FBLN2: variants seen among roughly 807,000 people sequenced by gnomAD.
FBLN2 encodes the protein fibulin-2.
Under a neutral mutation model 123.7 loss-of-function variants are expected in FBLN2, and 81 were observed. The ratio of observed to expected loss-of-function variants is 0.65; its 90% CI spans 0.55 to 0.79. The LOEUF is 0.79. Among genes scored for constraint, FBLN2 ranks in the 30% least tolerant of loss-of-function variants. The pLI, the probability that FBLN2 is intolerant of heterozygous loss-of-function variation, is 0.00. For synonymous variants in FBLN2, 699 were observed against 701.4 expected, an observed-to-expected ratio of 1.00 and a Z score of 0.05; for missense variants, 1,603 against 1,681.3, an observed-to-expected ratio of 0.95 and a Z score of 0.81.
At chr3:13,608,513 G>A (rs1559417193) in intron 3 of FBLN2, among the ~76,000 whole-genome samples, 1 of 152,130 alleles carries the variant, frequency 6.6e-6, no homozygotes, top group South Asian at 2.1e-4. Context: ...AGTTGCTGCC[G>A]CACTCATGCC....
intron 2 of FBLN2, among the ~76,000 whole-genome samples, chr3:13,604,573 T>G (rs979342435): frequency 2.6e-5 from 4 of 152,208 alleles, no homozygotes; most frequent in African/African-American, 9.6e-5. Context: ...TGAGCCGGCC[T>G]CCTTTTTTCT....
At chr3:13,626,708 C>T (rs1190203648) in intron 10 of FBLN2, 129 bp downstream of exon 10, 1 of 943,692 alleles carries the variant, frequency 1.1e-6, no homozygotes, top group South Asian at 2.5e-5. Flanking sequence ...TCCATCCCCT[C>T]CTTTCTAGCA....
At chr3:13,558,871 C>A (rs576822862) in intron 1 of FBLN2, among the ~76,000 whole-genome samples, 11 of 144,922 alleles carry the variant, frequency 7.6e-5, no homozygotes, top group Non-Finnish European at 7.6e-5. Context: ...GGCTTTAAAG[C>A]ATGGGGTGGG....
Position 13,618,021 on chromosome 3 carries a change from C to T in FBLN2, c.1730-55C>T, listed in dbSNP as rs978800759. ...ACTAGTTTCCCAAAGCTGGTTGTCTCAGCCACCTACTCTGACCAAGCTGGC... is the reference window on the plus strand; with the variant it reads ...ACTAGTTTCCCAAAGCTGGTTGTCTTAGCCACCTACTCTGACCAAGCTGGC... On this transcript the variant is annotated intron_variant, in intron 5 of 17. Coordinates refer to ENST00000404922, the MANE Select transcript of FBLN2 (RefSeq NM_001004019.2). 3 of 1,545,988 alleles carry T rather than the reference C, an allele frequency of 1.9e-6. No homozygotes were observed. The South Asian group carries it at 3.5e-5, about 18-fold the overall frequency.
chr3:13,637,706 G>A lies in FBLN2; in HGVS notation c.3483G>A (p.Gly1161=). 1 of 1,614,020 alleles carries A rather than the reference G, an allele frequency of 6.2e-7. No homozygotes were observed. Among genetic ancestry groups the A allele is most frequent in the South Asian group, 1.1e-5 (1 of 91,084 alleles). ...FRIGPAPAFT[G]DTIALNIIKG... is the part of the protein sequence containing the mutation. ...TTGGCCCCGCGCCAGCCTTCACGGG[G>A]GACACCATCGCCCTGAACATCATCA... The change falls in exon 18 of 18, where the codon GGG becomes GGA. Residue 1161 remains glycine (G), a synonymous_variant. Coordinates refer to ENST00000404922, the MANE Select transcript of FBLN2 (RefSeq NM_001004019.2).
At chr3:13,558,784 T>TCCAC (rs60014707) in intron 1 of FBLN2, among the ~76,000 whole-genome samples, 22 of 135,382 alleles carry the variant, frequency 1.6e-4, no homozygotes, top group African/African-American at 2.6e-4. Context: ...CATCCACCCA[T>TCCAC]CCACCCACCC....
chr3:13,597,759 A>G (rs3773276), intron 2 of FBLN2, among the ~76,000 whole-genome samples: 5,755 of 152,338 alleles, frequency 0.038, 134 homozygotes, highest in East Asian at 0.065. Flanking sequence ...GCTCTGTGCC[A>G]CTTGGCGTGG....
At chr3:13,633,280 C>T (rs1182165888) in intron 16 of FBLN2, among the ~76,000 whole-genome samples, 1 of 152,276 alleles carries the variant, frequency 6.6e-6, no homozygotes, top group Non-Finnish European at 1.5e-5. Context: ...GCATCCTCTT[C>T]TTGGGGTGGC....
chr3:13,636,122 G>A (rs73042968), intron 16 of FBLN2, among the ~76,000 whole-genome samples: 102,215 of 152,024 alleles, frequency 0.67, 34,665 homozygotes, highest in East Asian at 0.9. Context: ...GCAGGACTGT[G>A]GCCTCTGTGG....
intron 5 of FBLN2, among the ~76,000 whole-genome samples, chr3:13,615,953 G>C (rs560428329): frequency 1.2e-4 from 18 of 152,344 alleles, no homozygotes; most frequent in Admixed American, 1.3e-4. Context: ...GATGCCTGCT[G>C]TCCACAGGTG....
At chr3:13,563,030 G>A (rs1025777428) in intron 1 of FBLN2, among the ~76,000 whole-genome samples, 3 of 152,170 alleles carry the variant, frequency 2.0e-5, no homozygotes, top group Admixed American at 6.5e-5. Context: ...ATCCATTGAT[G>A]GTCACTTGGC....
chr3:13,600,596 T>C (rs1489363096), intron 2 of FBLN2, among the ~76,000 whole-genome samples: 1 of 149,526 alleles, frequency 6.7e-6, no homozygotes, highest in Non-Finnish European at 1.5e-5. Flanking sequence ...AGCTTGCGAC[T>C]TCTTTTTTAA....
Position 13,638,357 on chromosome 3 carries a change from A to G in FBLN2, c.*438A>G. ...TAAAGTAGTACATGTACATTATATA[A>G]AAAAAAGTTCAACTAGTATGAAAGG... On this transcript the variant is annotated 3_prime_UTR_variant, in exon 18 of 18. Transcript: ENST00000404922. The G allele has an allele frequency of 2.7e-6, 1 of 373,712 alleles. No homozygotes were observed. Among genetic ancestry groups the G allele is most frequent in the Non-Finnish European group, 5.0e-6 (1 of 200,942 alleles). The allele number at this position is 373,712 out of a possible 1,614,324, so 23.1% of individuals were successfully genotyped here.
intron 2 of FBLN2, among the ~76,000 whole-genome samples, chr3:13,584,472 G>C (rs565335454): frequency 3.0e-4 from 45 of 152,338 alleles, no homozygotes; most frequent in South Asian, 1.0e-3. Flanking sequence ...AGGCTACATG[G>C]AGGGCTGAGG....
At chr3:13,567,587 A>T (rs1285559297) in intron 1 of FBLN2, among the ~76,000 whole-genome samples, 1 of 152,098 alleles carries the variant, frequency 6.6e-6, no homozygotes, top group Non-Finnish European at 1.5e-5. Flanking sequence ...CGAACTCCTG[A>T]CCTCAAGTGA....
chr3:13,592,547 A>G (rs1210875339), intron 2 of FBLN2, among the ~76,000 whole-genome samples: 1 of 152,160 alleles, frequency 6.6e-6, no homozygotes, highest in Non-Finnish European at 1.5e-5. Flanking sequence ...CTCAATTGGT[A>G]TTGTATTGAA....
Position 13,571,178 on chromosome 3 carries a change from G to T in FBLN2, c.823G>T (p.Glu275Ter). The T allele has an allele frequency of 1.3e-6, 2 of 1,565,636 alleles. No individual in the cohort carries two copies. Among genetic ancestry groups the T allele is most frequent in the Non-Finnish European group, 1.7e-6 (2 of 1,155,850 alleles). Residue 275 changes from glutamate (E) to a stop codon, truncating the protein, a stop_gained, in exon 2 of 18, where the codon GAG becomes TAG. Coordinates refer to ENST00000404922, the MANE Select transcript of FBLN2 (RefSeq NM_001004019.2). LOFTEE classifies it high-confidence loss of function. ...PVQAKARRVT[E>*]DSEEEEEEEE... The stretch of plus-strand genomic sequence containing the variant: ...GCAGGCCAAAGCTAGGAGAGTGACC[G>T]AGGACAGTGAGGAGGAAGAAGAGGA...
intron 2 of FBLN2, among the ~76,000 whole-genome samples, chr3:13,579,573 T>C (rs1221927461): frequency 6.6e-6 from 1 of 152,230 alleles, no homozygotes; most frequent in Non-Finnish European, 1.5e-5. Flanking sequence ...TCTATGCCTT[T>C]TTCAAATAAC....
chr3:13,596,926 G>A (rs573121725), intron 2 of FBLN2, among the ~76,000 whole-genome samples: 3,343 of 151,126 alleles, frequency 0.022, 144 homozygotes, highest in African/African-American at 0.076. Flanking sequence ...AAATAAATTT[G>A]TTTATTTATT....
Sources: allele counts gnomAD v4.1 joint callset (sites outside exome capture counted in the v4.1 genomes callset), GRCh38; gene constraint gnomAD v4.1.1; transcripts MANE v1.5; gene names NCBI Gene and HGNC (gene_info 2026-07-23, HGNC 2026-07-21).